Variants in FOXN4 observed in about 807,000 individuals in gnomAD.
FOXN4 encodes forkhead box N4.
FOXN4 carries 12 observed loss-of-function variants against 45.0 expected under a neutral mutation model. The ratio of observed to expected loss-of-function variants is 0.27; its 90% CI spans 0.17 to 0.43. FOXN4 has a LOEUF of 0.43. FOXN4 is among the 20% of genes least tolerant of loss of function. The pLI, the probability that FOXN4 is intolerant of heterozygous loss-of-function variation, is 1.00. For missense variants in FOXN4, 560 were observed against 694.9 expected (o/e 0.81, Z 2.18); for synonymous variants, 297 against 295.0 (o/e 1.01, Z -0.07).
intron 2 of FOXN4, 71 bp downstream of exon 2, chr12:109,308,164 GA>G: frequency 7.9e-7 from 1 of 1,267,396 alleles, no homozygotes; most frequent in African/African-American, 1.5e-5. Context: ...GGCAGTTTCA[GA>G]AACCATAAAC....
rs762781465 is a variant in FOXN4 at position 109,281,657 on chromosome 12, G to A, written c.1044C>T (p.Pro348=). The change falls in exon 9 of 10, where the codon CCC becomes CCT. Residue 348 remains proline (P), a synonymous_variant. Transcript: ENST00000299162. The part of the protein sequence containing the change: ...HGCLAVSQLP[P]QPLMTLSLQS... ...GCAGGGACAGGGTCATCAGTGGCTG[G>A]GGTGGGAGCTGGGAGACAGCCAGGC... The A allele has an allele frequency of 6.2e-7, 1 of 1,610,714 alleles. No homozygotes were observed. The highest frequency in any genetic ancestry group is 1.7e-5 in the Admixed American group (1 of 59,578).
chr12:109,308,222 G>A lies in FOXN4; in HGVS notation c.86+14C>T. On this transcript the variant is annotated intron_variant, in intron 2 of 9. Coordinates refer to ENST00000299162, the MANE Select transcript of FOXN4 (RefSeq NM_213596.3). ...ATTAAAAAATATATAGTTTGTTATTGTTGGAGCCCTCACCTGTATTCCTGT... is the reference window on the plus strand; with the variant it reads ...ATTAAAAAATATATAGTTTGTTATTATTGGAGCCCTCACCTGTATTCCTGT... The A allele has an allele frequency of 1.3e-6, 2 of 1,538,396 alleles. No homozygotes were observed. Among genetic ancestry groups the A allele is most frequent in the Non-Finnish European group, 1.8e-6 (2 of 1,138,668 alleles).
intron 2 of FOXN4, 51 bp downstream of exon 2, chr12:109,308,185 A>G (rs1209725542): frequency 7.1e-7 from 1 of 1,414,668 alleles, no homozygotes; most frequent in Non-Finnish European, 9.7e-7. Flanking sequence ...CAGCATACAA[A>G]CACTTTGAGC....
intron 9 of FOXN4, among the ~76,000 whole-genome samples, chr12:109,280,342 CAAAAAAAAAAAA>C (rs34879457): frequency 5.6e-5 from 3 of 53,552 alleles, no homozygotes; most frequent in South Asian, 8.3e-4. Context: ...GACTCCACCT[CAAAAAAAAAAAA>C]AAAAAAAAAA....
chr12:109,288,823 C>T lies in FOXN4; in HGVS notation c.233-643G>A, dbSNP rs1159026035. ...AAGTTGACCTGCAGGATGGTCTTGC[C>T]CTAGGGCCACCTCTTCCAGGAAGCC... is the stretch of plus-strand genomic sequence containing the variant. On this transcript the variant is annotated intron_variant, in intron 3 of 9. Coordinates refer to ENST00000299162, the MANE Select transcript of FOXN4 (RefSeq NM_213596.3). This position sits in a 1 kb window ranked among gnomAD's most constrained non-coding sequence, Gnocchi z 4.3. Among the ~76,000 whole-genome samples the T allele has an allele frequency of 2.6e-5, 4 of 152,204 alleles. No individual in the cohort carries two copies.
At chr12:109,297,431 C>T (rs890700481) in intron 2 of FOXN4, among the ~76,000 whole-genome samples, 7 of 152,244 alleles carry the variant, frequency 4.6e-5, no homozygotes, top group African/African-American at 7.2e-5. Context: ...ACCTTCACCT[C>T]CTGGGTTCAA....
chr12:109,288,012 G>A lies in FOXN4; in HGVS notation c.357+44C>T. 6.5e-7 allele frequency: 1 copy of A among 1,549,688 alleles called. No homozygotes were observed. Among genetic ancestry groups the A allele is most frequent in the African/African-American group, 1.4e-5 (1 of 73,142 alleles). On this transcript the variant is annotated intron_variant, in intron 4 of 9. Transcript: ENST00000299162. This position sits in a 1 kb window ranked among gnomAD's most constrained non-coding sequence, Gnocchi z 4.3. Reference sequence around the variant, plus strand: ...CACGGTGGGGGTAGACACCCAGTCTGGAGGGCACTACCCGCCCTCCGCAGT... The same window carrying A: ...CACGGTGGGGGTAGACACCCAGTCTAGAGGGCACTACCCGCCCTCCGCAGT...
At chr12:109,289,557 T>C (rs888578953) in intron 3 of FOXN4, among the ~76,000 whole-genome samples, 3 of 152,258 alleles carry the variant, frequency 2.0e-5, no homozygotes, top group Non-Finnish European at 4.4e-5. Context: ...TCTTCAATAC[T>C]TTCTGTGTCT....
intron 3 of FOXN4, among the ~76,000 whole-genome samples, chr12:109,289,866 G>A (rs1418198863): frequency 6.6e-6 from 1 of 152,222 alleles, no homozygotes; most frequent in African/African-American, 2.4e-5. Context: ...GCTGTAGTTT[G>A]CCAACTGCCC....
chr12:109,287,391 C>T lies in FOXN4; in HGVS notation c.596+6G>A. 1 of 1,551,444 alleles carries T rather than the reference C, an allele frequency of 6.4e-7. No homozygotes were observed. The highest frequency in any genetic ancestry group is 1.4e-5 in the African/African-American group (1 of 73,170). On this transcript the variant is annotated splice_donor_region_variant and intron_variant, in intron 6 of 9. Coordinates refer to ENST00000299162, the MANE Select transcript of FOXN4 (RefSeq NM_213596.3). This position sits in a 1 kb window ranked among gnomAD's most constrained non-coding sequence, Gnocchi z 4.1. ...TGGCCCTGACCCGGCCCACCCTGGA[C>T]CTCACCTGTACGAGTAGATGGGCTT...
At chr12:109,308,839 A>G (rs945269822) in intron 1 of FOXN4, among the ~76,000 whole-genome samples, 14 of 152,264 alleles carry the variant, frequency 9.2e-5, no homozygotes, top group South Asian at 6.2e-4. Context: ...TGGAAAACCA[A>G]TCCAACCACC....
intron 9 of FOXN4, 30 bp downstream of exon 9, chr12:109,281,377 A>G (rs1334683675): frequency 4.3e-6 from 7 of 1,609,754 alleles, no homozygotes; most frequent in Non-Finnish European, 4.2e-6. Context: ...TCCCCATTCC[A>G]TTCCCATCAC....
At chr12:109,292,882 G>A (rs900755444) in intron 2 of FOXN4, among the ~76,000 whole-genome samples, 3 of 152,130 alleles carry the variant, frequency 2.0e-5, no homozygotes, top group East Asian at 1.9e-4. Flanking sequence ...ACGAAGTCAC[G>A]TATAAAGGGC....
chr12:109,291,642 T>C lies in FOXN4; in HGVS notation c.87-1356A>G, dbSNP rs942543399. ...CCCTCTTGTGTTTTAGGGCCACAAT[T>C]AGCGTTGCCATGGCCACACTGCTCA... On this transcript the variant is annotated intron_variant, in intron 2 of 9. Transcript: ENST00000299162. This position sits in a 1 kb window ranked among gnomAD's most constrained non-coding sequence, Gnocchi z 6.6. 2.0e-5 allele frequency among the ~76,000 whole-genome samples: 3 copies of C among 151,986 alleles called. No individual in the cohort carries two copies. Among genetic ancestry groups the C allele is most frequent in the African/African-American group, 7.2e-5 (3 of 41,404 alleles).
rs1336815230 is a variant in FOXN4, at chr12:109,279,401, G to A, written c.*270C>T. 4 of 536,540 alleles carry A rather than the reference G, an allele frequency of 7.5e-6. No homozygotes were observed. Among genetic ancestry groups the A allele is most frequent in the African/African-American group, 1.9e-5 (1 of 52,628 alleles). The allele number at this position is 536,540 out of a possible 1,614,324, so 33.2% of individuals were successfully genotyped here. A position where few individuals can be genotyped will look rare whatever the true frequency, so the allele number is the denominator to read the frequency against. On this transcript the variant is annotated 3_prime_UTR_variant, in exon 10 of 10. Coordinates refer to ENST00000299162, the MANE Select transcript of FOXN4 (RefSeq NM_213596.3). ...CTCAGGCCTCGGAGGAGTGTCAAGG[G>A]GTCGGGGGATGCTGGGTTGCTTGTC...
At chr12:109,294,711 G>C (rs961804876) in intron 2 of FOXN4, among the ~76,000 whole-genome samples, 1 of 152,092 alleles carries the variant, frequency 6.6e-6, no homozygotes, top group African/African-American at 2.4e-5. Context: ...CTGCATACAT[G>C]GCAAGGTCCA....
chr12:109,299,117 C>T (rs1484749802), intron 2 of FOXN4, among the ~76,000 whole-genome samples: 1 of 152,088 alleles, frequency 6.6e-6, no homozygotes, highest in Non-Finnish European at 1.5e-5. Flanking sequence ...CTGTCACCCA[C>T]AGGGAGTCCT....
chr12:109,299,268 T>G (rs1308883396), intron 2 of FOXN4, among the ~76,000 whole-genome samples: 1 of 152,200 alleles, frequency 6.6e-6, no homozygotes, highest in Non-Finnish European at 1.5e-5. Context: ...CTCAGCCTTT[T>G]GCAGGTGCAT....
In FOXN4 at chr12:109,290,369, C is replaced by T. The variant is rs573742685; in HGVS notation, c.87-83G>A. On this transcript the variant is annotated intron_variant, in intron 2 of 9. Transcript: ENST00000299162. The surrounding 1 kb of genome is among the most constrained non-coding windows in gnomAD (Gnocchi z 5.1). ...GTGCGTCCCGACCTCTGGAAGCACC[C>T]GCTTAATGTGCCTCATCTCCCCAAG... The T allele has an allele frequency of 4.6e-5, 66 of 1,430,938 alleles. No individual in the cohort carries two copies. The African/African-American group carries it at 7.8e-4, about 17-fold the overall frequency. 88.6% of individuals were successfully genotyped at this position (1,430,938 alleles called of 1,614,324 possible).
Sources: allele counts gnomAD v4.1 joint callset (sites outside exome capture counted in the v4.1 genomes callset), GRCh38; gene constraint gnomAD v4.1.1; non-coding constraint Gnocchi (gnomAD v3.1); transcripts MANE v1.5; gene names NCBI Gene and HGNC (gene_info 2026-07-23, HGNC 2026-07-21).